CERCAM: variants seen among roughly 807,000 people sequenced by gnomAD.
The protein encoded by CERCAM is inactive glycosyltransferase 25 family member 3.
In CERCAM, 59 loss-of-function variants were observed where a neutral mutation model predicts 66.0. The ratio of observed to expected loss-of-function variants is 0.89; its 90% CI spans 0.73 to 1.11. CERCAM has a LOEUF of 1.11. Among genes scored for constraint, CERCAM ranks in the 50% most tolerant of loss-of-function variants. The pLI is 0.00. For synonymous variants in CERCAM, 318 were observed against 343.6 expected (o/e 0.93, Z 0.83); for missense variants, 840 against 828.3 (o/e 1.01, Z -0.17).
chr9:128,432,245 C>T (rs1360708268), intron 9 of CERCAM, among the ~76,000 whole-genome samples: 10 of 152,160 alleles, frequency 6.6e-5, no homozygotes, highest in Non-Finnish European at 4.4e-5. Context: ...AGGCTGGTCT[C>T]GAACTTCCAA....
rs1189725218 is a variant in CERCAM, at chr9:128,424,600, C to G, written c.752C>G (p.Ala251Gly). The G allele has an allele frequency of 1.2e-6, 2 of 1,614,012 alleles. No homozygotes were observed. Among genetic ancestry groups the G allele is most frequent in the Non-Finnish European group, 1.7e-6 (2 of 1,179,956 alleles). The change falls in exon 5 of 13, where the codon GCC becomes GGC. Residue 251 changes from alanine (A) to glycine (G), a missense_variant. Transcript: ENST00000372838. ...PFDDIIVFAY[A>G]CQAAGVSVHV... Reference sequence around the variant, plus strand: ...GACGACATCATCGTCTTCGCCTATGCCTGCCAGGCTGCTGGTGAGGACCAG... The same window carrying G: ...GACGACATCATCGTCTTCGCCTATGGCTGCCAGGCTGCTGGTGAGGACCAG...
intron 9 of CERCAM, among the ~76,000 whole-genome samples, chr9:128,432,836 C>T (rs2131341540): frequency 6.6e-6 from 1 of 151,958 alleles, no homozygotes; most frequent in Non-Finnish European, 1.5e-5. Context: ...CCACCCAGCC[C>T]AGCTTCCTTT....
At position 128,429,040 on chromosome 9, in the gene CERCAM, A is replaced by T; in HGVS notation, c.1070+4A>T. ...TGGTGGACGCTGTGGATGGCTGGTG[A>T]GCCTGCCTGGTGGGGGGGGCCCTGT... On this transcript the variant is annotated splice_donor_region_variant and intron_variant, in intron 8 of 12. Transcript: ENST00000372838. 6.3e-7 allele frequency: 1 copy of T among 1,593,248 alleles called. No homozygotes were observed.
In CERCAM at chr9:128,435,745, C is replaced by A. The variant is rs779383934; in HGVS notation, c.1628C>A (p.Ala543Asp). Reference sequence around the variant, plus strand: ...GCCCCTACCCACTATGCCGGGGACGCCGAGTGGCTCAGTGACACGGAGACA... The same window carrying A: ...GCCCCTACCCACTATGCCGGGGACGACGAGTGGCTCAGTGACACGGAGACA... Reference protein sequence around the residue: ...LAAPTHYAGDAEWLSDTETSS... With the variant: ...LAAPTHYAGDDEWLSDTETSS... The change falls in exon 12 of 13, where the codon GCC becomes GAC. Residue 543 changes from alanine (A) to aspartate (D), a missense_variant. Physicochemically the swap from Ala to Asp is moderately radical, Grantham distance 126. Coordinates refer to ENST00000372838, the MANE Select transcript of CERCAM (RefSeq NM_016174.5). 23 of 1,613,410 alleles carry A rather than the reference C, an allele frequency of 1.4e-5. No homozygotes were observed. The Admixed American group carries it at 1.5e-4, about 11-fold the overall frequency.
Position 128,421,050 on chromosome 9 carries a change from A to G in CERCAM, c.173A>G (p.Tyr58Cys). 1 of 1,377,618 alleles carries G rather than the reference A, an allele frequency of 7.3e-7. No homozygotes were observed. Among genetic ancestry groups the G allele is most frequent in the Non-Finnish European group, 9.4e-7 (1 of 1,064,194 alleles). 85.3% of individuals were successfully genotyped at this position (1,377,618 alleles called of 1,614,324 possible). A position where few individuals can be genotyped will look rare whatever the true frequency, so the allele number is the denominator to read the frequency against. Residue 58 changes from tyrosine to cysteine, a missense_variant, in exon 1 of 13, where the codon TAC (tyrosine) becomes TGC (cysteine). Transcript: ENST00000372838. ...HYLGALERLD[Y>C]PRARMALWCA... ...CTGGGCGCTCTGGAGCGGCTGGACT[A>G]CCCCCGGGCCAGGATGGCCCTCTGG...
At chr9:128,428,589 G>C (rs1375879329) in intron 6 of CERCAM, among the ~76,000 whole-genome samples, 168 bp downstream of exon 6, 1 of 152,072 alleles carries the variant, frequency 6.6e-6, no homozygotes, top group Non-Finnish European at 1.5e-5. Flanking sequence ...TTGGGCCTTA[G>C]TCTAGCATCC....
intron 9 of CERCAM, among the ~76,000 whole-genome samples, chr9:128,433,506 G>A (rs1834029381): frequency 2.0e-5 from 3 of 152,162 alleles, no homozygotes; most frequent in African/African-American, 7.2e-5. Context: ...AGCTGGAGGA[G>A]TGGGAGGGGA....
chr9:128,431,060 A>G, intron 8 of CERCAM, 111 bp from the exon 9 acceptor site: 1 of 1,317,554 alleles, frequency 7.6e-7, no homozygotes, highest in South Asian at 1.4e-5. Flanking sequence ...CAAGGCAGAA[A>G]CCTTCTTCAA....
chr9:128,433,232 T>C (rs1331368193), intron 9 of CERCAM, among the ~76,000 whole-genome samples: 1 of 143,840 alleles, frequency 7.0e-6, no homozygotes, highest in African/African-American at 2.7e-5. Context: ...TGAGCCGAGA[T>C]TGTGCCACTG....
chr9:128,429,270 G>C (rs1564428860), intron 8 of CERCAM, among the ~76,000 whole-genome samples: 1 of 152,180 alleles, frequency 6.6e-6, no homozygotes, highest in Non-Finnish European at 1.5e-5. Context: ...AGGCTCCAGG[G>C]CCTGGGTTCC....
rs372425673 is a variant in CERCAM at position 128,428,953 on chromosome 9, C to A, written c.987C>A (p.Arg329=). 3 of 1,610,368 alleles carry A rather than the reference C, an allele frequency of 1.9e-6. No homozygotes were observed. Among genetic ancestry groups the A allele is most frequent in the Non-Finnish European group, 2.5e-6 (3 of 1,178,612 alleles). Residue 329 remains arginine, a synonymous_variant, in exon 8 of 13, where the codon CGC becomes CGA. Coordinates refer to ENST00000372838, the MANE Select transcript of CERCAM (RefSeq NM_016174.5). ...FDEVFVISLA[R]RPDRRERMLA... is the part of the protein sequence containing the mutation. ...AGGTCTTTGTCATCAGCCTGGCTCGCAGGCCTGACCGTCGGGAACGCATGC... is the reference window on the plus strand; with the variant it reads ...AGGTCTTTGTCATCAGCCTGGCTCGAAGGCCTGACCGTCGGGAACGCATGC...
intron 1 of CERCAM, chr9:128,421,288 G>A: frequency 8.1e-7 from 1 of 1,229,116 alleles, no homozygotes. Context: ...AGGCCGACGC[G>A]GGACACCCAC....
chr9:128,429,042 C>A lies in CERCAM; in HGVS notation c.1070+6C>A. 1.3e-6 allele frequency: 2 copies of A among 1,590,084 alleles called. No homozygotes were observed. The highest frequency in any genetic ancestry group is 1.7e-6 in the Non-Finnish European group (2 of 1,168,660). On this transcript the variant is annotated splice_donor_region_variant and intron_variant, in intron 8 of 12. Coordinates refer to ENST00000372838, the MANE Select transcript of CERCAM (RefSeq NM_016174.5). Reference sequence around the variant, plus strand: ...GTGGACGCTGTGGATGGCTGGTGAGCCTGCCTGGTGGGGGGGGCCCTGTGC... The same window carrying A: ...GTGGACGCTGTGGATGGCTGGTGAGACTGCCTGGTGGGGGGGGCCCTGTGC...
At chr9:128,424,098 C>T (rs1833778235) in intron 3 of CERCAM, 40 bp from the exon 4 acceptor site, 1 of 1,600,568 alleles carries the variant, frequency 6.2e-7, no homozygotes, top group Non-Finnish European at 8.5e-7. Context: ...GGGGCTGCAG[C>T]CCAGGCAGGG....
Position 128,434,634 on chromosome 9 carries a change from G to A in CERCAM, c.1535+21G>A, listed in dbSNP as rs201694769. 13 of 1,594,362 alleles carry A rather than the reference G, an allele frequency of 8.2e-6. No individual in the cohort carries two copies. Among genetic ancestry groups the A allele is most frequent in the African/African-American group, 4.0e-5 (3 of 74,728 alleles). On this transcript the variant is annotated intron_variant, in intron 11 of 12. Transcript: ENST00000372838. This position sits in a 1 kb window ranked among gnomAD's most constrained non-coding sequence, Gnocchi z 4.5. ...CCCAAGTGAGGCTCTGATGGGGGCCGGGCATGGCAGGGCAGAGGCGTCCCC... is the reference window on the plus strand; with the variant it reads ...CCCAAGTGAGGCTCTGATGGGGGCCAGGCATGGCAGGGCAGAGGCGTCCCC...
chr9:128,428,883 C>G, intron 7 of CERCAM, 47 bp from the exon 8 acceptor site: 1 of 1,609,164 alleles, frequency 6.2e-7, no homozygotes, highest in Non-Finnish European at 8.5e-7. Flanking sequence ...ATGGGCCCTC[C>G]TCTTCCGCTC....
At position 128,421,059 on chromosome 9, in the gene CERCAM, C is replaced by A; in HGVS notation, c.182C>A (p.Ala61Asp). The A allele has an allele frequency of 7.5e-7, 1 of 1,338,876 alleles. No individual in the cohort carries two copies. The highest frequency in any genetic ancestry group is 9.6e-7 in the Non-Finnish European group (1 of 1,043,728). The allele number at this position is 1,338,876 out of a possible 1,614,324, so 82.9% of individuals were successfully genotyped here. The part of the protein sequence containing the change: ...GALERLDYPR[A>D]RMALWCATDH... ...CTGGAGCGGCTGGACTACCCCCGGG[C>A]CAGGATGGCCCTCTGGTGAGAGACC... is the stretch of plus-strand genomic sequence containing the variant. Residue 61 changes from alanine (A) to aspartate (D), a missense_variant, in exon 1 of 13, where the codon GCC becomes GAC. By Grantham distance (126) the Ala-to-Asp change is moderately radical. Transcript: ENST00000372838.
Position 128,426,813 on chromosome 9 carries a change from G to A in CERCAM, c.767-1489G>A, listed in dbSNP as rs112981144. 2.6e-3 allele frequency among the ~76,000 whole-genome samples: 402 copies of A among 152,298 alleles called. 1 individual carries two copies. The highest frequency in any genetic ancestry group is 9.3e-3 in the African/African-American group (385 of 41,558). On this transcript the variant is annotated intron_variant, in intron 5 of 12. Transcript: ENST00000372838. ...TTTAATCAAGTAATCAGTGGCAGCC[G>A]GTAAGGAGGATGTTGTAATTCTTTG...
Position 128,434,584 on chromosome 9 carries a change from C to T in CERCAM, c.1506C>T (p.Phe502=). 6.2e-7 allele frequency: 1 copy of T among 1,610,196 alleles called. No individual in the cohort carries two copies. Among genetic ancestry groups the T allele is most frequent in the East Asian group, 2.2e-5 (1 of 44,836 alleles). The change falls in exon 11 of 13, where the codon TTC becomes TTT. Residue 502 remains phenylalanine (F), a synonymous_variant. Transcript: ENST00000372838. The surrounding 1 kb of genome is among the most constrained non-coding windows in gnomAD (Gnocchi z 4.5). The part of the protein sequence containing the change: ...PLRRMLPVDE[F]LPIMFDQHPN... ...GCCGCATGCTGCCCGTGGACGAGTT[C>T]CTGCCCATCATGTTCGACCAGCACC... is the stretch of plus-strand genomic sequence containing the variant.
Sources: gnomAD v4.1 joint callset for allele counts (sites outside exome capture counted in the v4.1 genomes callset) on GRCh38, gnomAD v4.1.1 for gene constraint, Gnocchi (gnomAD v3.1) non-coding constraint, MANE v1.5 for transcripts, NCBI Gene and HGNC (gene_info 2026-07-23, HGNC 2026-07-21) for gene names.